Variants in CHL1 observed in about 807,000 individuals in gnomAD.
The protein encoded by CHL1 is neural cell adhesion molecule L1-like protein.
A neutral mutation model predicts 141.9 loss-of-function variants in CHL1; 96 were observed. The observed-to-expected ratio is 0.68, with a 90% CI of 0.57 to 0.80. CHL1 has a LOEUF of 0.80. Ranked by LOEUF, CHL1 falls within the 30% of genes least tolerant of loss-of-function variation. CHL1 has a pLI of 0.00. For synonymous variants in CHL1, 613 were observed against 502.2 expected, an observed-to-expected ratio of 1.22 and a Z score of -2.95; for missense variants, 1,820 against 1,457.2, an observed-to-expected ratio of 1.25 and a Z score of -4.05.
intron 2 of CHL1, among the ~76,000 whole-genome samples, chr3:315,849 C>G (rs1700117104): frequency 6.6e-6 from 1 of 151,848 alleles, no homozygotes; most frequent in African/African-American, 2.4e-5. Context: ...AGTTTAGAAG[C>G]AGAGGTTTAA....
intron 2 of CHL1, among the ~76,000 whole-genome samples, chr3:294,654 A>G (rs940291023): frequency 6.6e-6 from 1 of 151,718 alleles, no homozygotes; most frequent in Non-Finnish European, 1.5e-5. Context: ...TTTTTTCCAA[A>G]TATAGAATTA....
intron 15 of CHL1, among the ~76,000 whole-genome samples, chr3:374,916 C>G (rs1407605132): frequency 6.6e-6 from 1 of 152,190 alleles, no homozygotes; most frequent in Non-Finnish European, 1.5e-5. Context: ...AACTTCTAAT[C>G]AAATATACAT....
At chr3:328,488 G>A (rs188590024) in intron 5 of CHL1, 134 bp downstream of exon 5, 1 of 685,466 alleles carries the variant, frequency 1.5e-6, no homozygotes, top group Non-Finnish European at 2.2e-6. Context: ...TTATTTATAA[G>A]GAAAAATTTC....
intron 3 of CHL1, among the ~76,000 whole-genome samples, chr3:324,595 T>C (rs760813273): frequency 6.7e-6 from 1 of 149,150 alleles, no homozygotes; most frequent in Non-Finnish European, 1.5e-5. Context: ...AGAGGCAAAA[T>C]CACTTCCTAC....
chr3:293,232 C>T (rs1189003709), intron 2 of CHL1, among the ~76,000 whole-genome samples: 6 of 152,116 alleles, frequency 3.9e-5, no homozygotes, highest in Non-Finnish European at 8.8e-5. Flanking sequence ...CTGAGTGCAG[C>T]GGCTCATGCT....
At position 382,267 on chromosome 3, in the gene CHL1, C is replaced by CAGCAATATT; in HGVS notation, c.1969_1977dup (p.Asn657_Ser659dup). 1 of 1,613,472 alleles carries CAGCAATATT rather than the reference C, an allele frequency of 6.2e-7. No homozygotes were observed. The highest frequency in any genetic ancestry group is 1.3e-5 in the African/African-American group (1 of 75,024). On this transcript the variant is annotated inframe_insertion, in exon 17 of 28. Coordinates refer to ENST00000256509, the MANE Select transcript of CHL1 (RefSeq NM_006614.4). Reference sequence around the variant, plus strand: ...CCTGGGAAGCTGGAGCTGACCACAACAGCAATATTAGCGGTAGGAAGACTT... The same window carrying CAGCAATATT: ...CCTGGGAAGCTGGAGCTGACCACAACAGCAATATTAGCAATATTAGCGGTAGGAAGACTT...
chr3:232,523 T>A (rs1701956340), intron 1 of CHL1, among the ~76,000 whole-genome samples: 1 of 152,098 alleles, frequency 6.6e-6, no homozygotes, highest in Non-Finnish European at 1.5e-5. Flanking sequence ...TTTTAAAGAG[T>A]CATTAGAGTC....
At chr3:290,184 GAGA>G (rs1252170454) in intron 2 of CHL1, among the ~76,000 whole-genome samples, 1 of 152,056 alleles carries the variant, frequency 6.6e-6, no homozygotes, top group Non-Finnish European at 1.5e-5. Flanking sequence ...ACATAAAAAT[GAGA>G]AGAACTAAAT....
At chr3:378,033 A>G (rs1432975999) in intron 16 of CHL1, 91 bp downstream of exon 16, 6 of 1,180,440 alleles carry the variant, frequency 5.1e-6, no homozygotes, top group Non-Finnish European at 6.9e-6. Context: ...TGATTCTTTG[A>G]GCCCCTGCAC....
At chr3:199,284 C>T (rs1204454562) in intron 1 of CHL1, among the ~76,000 whole-genome samples, 1 of 152,182 alleles carries the variant, frequency 6.6e-6, no homozygotes. Context: ...TGAGTACTGG[C>T]TATGGCAACT....
At chr3:377,292 C>G (rs1418861732) in intron 15 of CHL1, among the ~76,000 whole-genome samples, 1 of 152,176 alleles carries the variant, frequency 6.6e-6, no homozygotes, top group African/African-American at 2.4e-5. Context: ...CAATTGCTAT[C>G]TGATCTTAAT....
chr3:209,784 A>C (rs1367371174), intron 1 of CHL1, among the ~76,000 whole-genome samples: 1 of 152,196 alleles, frequency 6.6e-6, no homozygotes, highest in African/African-American at 2.4e-5. Context: ...ATTGAACAGA[A>C]CCCAAATCTT....
intron 1 of CHL1, among the ~76,000 whole-genome samples, chr3:214,398 A>G (rs1307115471): frequency 6.6e-6 from 1 of 152,206 alleles, no homozygotes. Flanking sequence ...TGACTATGAA[A>G]TATCAGATCT....
chr3:338,816 A>C (rs1225702999), intron 5 of CHL1, among the ~76,000 whole-genome samples: 1 of 152,176 alleles, frequency 6.6e-6, no homozygotes, highest in Non-Finnish European at 1.5e-5. Context: ...TTACATTTTC[A>C]GAATTAGAAT....
At chr3:319,985 A>G in intron 3 of CHL1, 118 bp downstream of exon 3, 1 of 615,146 alleles carries the variant, frequency 1.6e-6, no homozygotes. Flanking sequence ...TATATTCTTT[A>G]GCAATCTGTC....
At chr3:387,395 A>ATTAT (rs1215198609) in intron 19 of CHL1, among the ~76,000 whole-genome samples, 2 of 152,128 alleles carry the variant, frequency 1.3e-5, no homozygotes, top group Non-Finnish European at 2.9e-5. Context: ...TCTTGAAGAG[A>ATTAT]TTATTTGGGA....
At chr3:377,366 C>T (rs143118687) in intron 15 of CHL1, among the ~76,000 whole-genome samples, 14 of 152,226 alleles carry the variant, frequency 9.2e-5, no homozygotes, top group African/African-American at 2.9e-4. Context: ...TGAGATTATC[C>T]GACTCCTTCT....
At chr3:375,330 T>C (rs1706181315) in intron 15 of CHL1, among the ~76,000 whole-genome samples, 1 of 151,866 alleles carries the variant, frequency 6.6e-6, no homozygotes, top group Admixed American at 6.6e-5. Flanking sequence ...CACTGTAGCA[T>C]GAAAAGTGGG....
At chr3:339,688 G>C (rs148886589) in intron 5 of CHL1, among the ~76,000 whole-genome samples, 1 of 152,314 alleles carries the variant, frequency 6.6e-6, no homozygotes, top group African/African-American at 2.4e-5. Flanking sequence ...AGAAATGTCA[G>C]CAAATTCCCT....
Sources: gnomAD v4.1 joint callset for allele counts (sites outside exome capture counted in the v4.1 genomes callset) on GRCh38, gnomAD v4.1.1 for gene constraint, MANE v1.5 for transcripts, NCBI Gene and HGNC (gene_info 2026-07-23, HGNC 2026-07-21) for gene names.